Variants in SLC4A4 observed in about 807,000 individuals in gnomAD.
SLC4A4 encodes the protein electrogenic sodium bicarbonate cotransporter 1.
SLC4A4 carries 27 observed loss-of-function variants against 111.5 expected under a neutral mutation model. The ratio of observed to expected loss-of-function variants is 0.24; its 90% CI spans 0.18 to 0.33. The LOEUF (loss-of-function observed/expected upper bound fraction) is 0.33. Among genes scored for constraint, SLC4A4 ranks in the 10% least tolerant of loss-of-function variants. The probability of loss-of-function intolerance (pLI) is 1.00; values close to 1 mark genes in which losing one functional copy is unlikely to be tolerated. For missense variants in SLC4A4, 909 were observed against 1,315.5 expected, an observed-to-expected ratio of 0.69 and a Z score of 4.78; for synonymous variants, 443 against 463.4, an observed-to-expected ratio of 0.96 and a Z score of 0.57.
intron 2 of SLC4A4, among the ~76,000 whole-genome samples, chr4:71,095,511 T>A (rs1286652259): frequency 1.3e-5 from 2 of 152,242 alleles, no homozygotes; most frequent in African/African-American, 4.8e-5. Flanking sequence ...GGCTTTGTGA[T>A]CTTTGCATCT....
chr4:71,116,286 G>A (rs542376477), intron 2 of SLC4A4, among the ~76,000 whole-genome samples: 11 of 152,246 alleles, frequency 7.2e-5, no homozygotes, highest in African/African-American at 1.2e-4. Flanking sequence ...AATGTACTTC[G>A]TAGCTTATGT....
chr4:71,225,168 A>T (rs965235045), intron 1 of SLC4A4, among the ~76,000 whole-genome samples: 1 of 152,156 alleles, frequency 6.6e-6, no homozygotes, highest in Non-Finnish European at 1.5e-5. Context: ...CCTGGCCAAC[A>T]TGGTGAAACC....
At chr4:71,502,114 A>G (rs1286360280) in intron 16 of SLC4A4, among the ~76,000 whole-genome samples, 1 of 152,108 alleles carries the variant, frequency 6.6e-6, no homozygotes, top group Non-Finnish European at 1.5e-5. Flanking sequence ...GGCGCTTGCC[A>G]CCGCGCCCAC....
At chr4:71,451,570 G>A (rs1432344868) in intron 11 of SLC4A4, among the ~76,000 whole-genome samples, 9 of 152,196 alleles carry the variant, frequency 5.9e-5, no homozygotes, top group Non-Finnish European at 1.2e-4. Context: ...TAAGGCAGAA[G>A]TAGGGACTTT....
chr4:71,455,729 A>G (rs1726193939), intron 12 of SLC4A4, among the ~76,000 whole-genome samples: 1 of 152,108 alleles, frequency 6.6e-6, no homozygotes, highest in African/African-American at 2.4e-5. Context: ...AATATTGCCT[A>G]TGTGTATTAG....
intron 7 of SLC4A4, among the ~76,000 whole-genome samples, chr4:71,430,786 G>A (rs1013502176): frequency 4.6e-5 from 7 of 152,142 alleles, no homozygotes; most frequent in South Asian, 2.1e-4. Context: ...TCAACACGAC[G>A]GGGAACAACC....
chr4:71,205,683 T>C (rs1004905554), intron 1 of SLC4A4, among the ~76,000 whole-genome samples: 1 of 152,202 alleles, frequency 6.6e-6, no homozygotes, highest in Non-Finnish European at 1.5e-5. Flanking sequence ...AAGGTCAGTT[T>C]CTAGCTATTG....
chr4:71,249,675 G>A (rs1406561068), intron 2 of SLC4A4, among the ~76,000 whole-genome samples: 4 of 152,060 alleles, frequency 2.6e-5, no homozygotes, highest in African/African-American at 9.7e-5. Flanking sequence ...GATCACTTGA[G>A]GTCAGGAGTT....
chr4:71,267,385 G>A (rs2149075593), intron 3 of SLC4A4, among the ~76,000 whole-genome samples: 1 of 152,272 alleles, frequency 6.6e-6, no homozygotes, highest in Admixed American at 6.5e-5. Flanking sequence ...AAAAAATACT[G>A]CAGGTCACAA....
intron 7 of SLC4A4, among the ~76,000 whole-genome samples, chr4:71,436,712 T>G (rs558950651): frequency 6.6e-6 from 1 of 152,364 alleles, no homozygotes; most frequent in African/African-American, 2.4e-5. Context: ...TCTAGATTCA[T>G]TTAATTGCTT....
intron 2 of SLC4A4, among the ~76,000 whole-genome samples, chr4:71,154,019 A>G (rs1744392283): frequency 6.6e-6 from 1 of 152,182 alleles, no homozygotes; most frequent in African/African-American, 2.4e-5. Context: ...CAGACCTACC[A>G]TAATTCAAGA....
intron 6 of SLC4A4, among the ~76,000 whole-genome samples, chr4:71,365,587 A>G (rs1731169191): frequency 6.6e-6 from 1 of 152,170 alleles, no homozygotes; most frequent in South Asian, 2.1e-4. Flanking sequence ...GCCTCATTCT[A>G]CTCAACTCCT....
intron 7 of SLC4A4, among the ~76,000 whole-genome samples, chr4:71,410,525 G>A (rs750137323): frequency 2.6e-5 from 4 of 152,138 alleles, no homozygotes; most frequent in Non-Finnish European, 4.4e-5. Context: ...CCCAATACCT[G>A]TACTCCCATT....
chr4:71,133,776 G>A (rs1277187132), intron 2 of SLC4A4, among the ~76,000 whole-genome samples: 1 of 152,188 alleles, frequency 6.6e-6, no homozygotes, highest in Non-Finnish European at 1.5e-5. Flanking sequence ...TCTTATGGCT[G>A]TCGCTGCCCT....
Position 71,132,786 on chromosome 4 carries a change from C to T in SLC4A4, c.-2+39994C>T, listed in dbSNP as rs564693034. ...TAATACTTCCTTTTCCACTATTGGC[C>T]ACAGCTAGTGTTAACTGACCCTAAG... On this transcript the variant is annotated intron_variant, in intron 2 of 26. Coordinates refer to the SLC4A4 transcript ENST00000649996. 1.4e-4 allele frequency among the ~76,000 whole-genome samples: 22 copies of T among 152,262 alleles called. No homozygotes were observed. In the South Asian group the frequency reaches 4.6e-3, roughly 32 times the overall value.
chr4:71,077,596 C>G (rs1295555260), intron 1 of SLC4A4, among the ~76,000 whole-genome samples: 1 of 152,186 alleles, frequency 6.6e-6, no homozygotes, highest in Non-Finnish European at 1.5e-5. Flanking sequence ...CAGCTACTTG[C>G]TATACCCATT....
At chr4:71,366,315 T>TTGTGTGTGTGTGTGTGTGTGTGTG (rs71673473) in intron 6 of SLC4A4, among the ~76,000 whole-genome samples, 7 of 137,914 alleles carry the variant, frequency 5.1e-5, no homozygotes, top group African/African-American at 1.1e-4. Context: ...TCTGGAGATA[T>TTGTGTGTGTGTGTGTGTGTGTGTG]TGTGTGTGTG....
chr4:71,106,719 A>G (rs1742932774), intron 2 of SLC4A4, among the ~76,000 whole-genome samples: 1 of 141,018 alleles, frequency 7.1e-6, no homozygotes, highest in Non-Finnish European at 1.5e-5. Flanking sequence ...TGGGAATTGA[A>G]CAATGAGATC....
chr4:71,532,041 G>C, intron 16 of SLC4A4, 21 bp from the exon 17 acceptor site: 1 of 1,433,776 alleles, frequency 7.0e-7, no homozygotes, highest in Non-Finnish European at 9.8e-7. Context: ...ATGGTTCCTG[G>C]TTTCTTTTTT....
Sources: allele counts gnomAD v4.1 joint callset (sites outside exome capture counted in the v4.1 genomes callset), GRCh38; gene constraint gnomAD v4.1.1; transcripts MANE v1.5; gene names NCBI Gene and HGNC (gene_info 2026-07-23, HGNC 2026-07-21).